Variants in FANCC observed in about 807,000 individuals in gnomAD.
The protein encoded by FANCC is Fanconi anemia group C protein.
Under a neutral mutation model 71.3 loss-of-function variants are expected in FANCC, and 55 were observed. That is an observed-to-expected ratio of 0.77 (90% CI 0.62 to 0.97). The LOEUF (loss-of-function observed/expected upper bound fraction) is 0.97. FANCC is among the 50% of genes least tolerant of loss of function. The pLI is 0.00. For synonymous variants in FANCC, 275 were observed against 244.9 expected, an observed-to-expected ratio of 1.12 and a Z score of -1.15; for missense variants, 678 against 670.9, an observed-to-expected ratio of 1.01 and a Z score of -0.12.
intron 1 of FANCC, among the ~76,000 whole-genome samples, chr9:95,253,073 A>C (rs1177991343): frequency 6.6e-6 from 1 of 152,112 alleles, no homozygotes; most frequent in Non-Finnish European, 1.5e-5. Context: ...AAAAAGAAAA[A>C]AAGGCAAACA....
At chr9:95,106,175 A>G (rs1010535933) in intron 14 of FANCC, among the ~76,000 whole-genome samples, 22 of 151,948 alleles carry the variant, frequency 1.4e-4, no homozygotes, top group Non-Finnish European at 2.6e-4. Flanking sequence ...TGTGCAGTGC[A>G]TCTCGCTGCA....
chr9:95,196,923 C>A (rs904169894), intron 4 of FANCC, among the ~76,000 whole-genome samples: 8 of 152,346 alleles, frequency 5.3e-5, no homozygotes, highest in Middle Eastern at 3.4e-3. Flanking sequence ...CATAGGCTCA[C>A]CTCCTGTGGC....
At chr9:95,128,363 C>G (rs1826330300) in intron 8 of FANCC, among the ~76,000 whole-genome samples, 1 of 152,152 alleles carries the variant, frequency 6.6e-6, no homozygotes, top group South Asian at 2.1e-4. Context: ...CTGTTATGTG[C>G]CCACAGGCAG....
rs190106233 is a variant in FANCC at position 95,306,324 on chromosome 9, G to A, written c.-79+11202C>T. The stretch of plus-strand genomic sequence containing the variant: ...ATCAAATACACTGTGGATCTAATTT[G>A]TTTGCTGGCATTCATTGAGGGTTTC... On this transcript the variant is annotated intron_variant, in intron 1 of 14. Transcript: ENST00000289081. Among the ~76,000 whole-genome samples the A allele has an allele frequency of 3.7e-4, 57 of 152,270 alleles. 1 individual carries two copies. The highest frequency in any genetic ancestry group is 6.8e-3 in the Middle Eastern group (2 of 294).
chr9:95,136,630 G>A (rs1827738796), intron 7 of FANCC, among the ~76,000 whole-genome samples: 1 of 152,158 alleles, frequency 6.6e-6, no homozygotes, highest in South Asian at 2.1e-4. Context: ...GGGACTACAG[G>A]TGCACGTCAC....
At chr9:95,304,052 T>C (rs1588443850) in intron 1 of FANCC, among the ~76,000 whole-genome samples, 2 of 152,288 alleles carry the variant, frequency 1.3e-5, no homozygotes. Flanking sequence ...AATTAAACAA[T>C]GCCTCACAAT....
At chr9:95,201,268 G>A (rs555537498) in intron 4 of FANCC, among the ~76,000 whole-genome samples, 25 of 151,976 alleles carry the variant, frequency 1.6e-4, no homozygotes, top group Non-Finnish European at 2.5e-4. Context: ...ACACCCACCC[G>A]CTTGCACTGC....
intron 1 of FANCC, among the ~76,000 whole-genome samples, chr9:95,274,539 C>T (rs1484659570): frequency 6.6e-6 from 1 of 151,996 alleles, no homozygotes; most frequent in Non-Finnish European, 1.5e-5. Flanking sequence ...GGGTATATAC[C>T]CAGTAATGGG....
chr9:95,216,640 G>A (rs551452961), intron 4 of FANCC, among the ~76,000 whole-genome samples: 2 of 152,288 alleles, frequency 1.3e-5, no homozygotes, highest in Admixed American at 1.3e-4. Context: ...CTTCCTCCAC[G>A]AAAAAGGAAG....
At chr9:95,105,676 G>A (rs944085060) in intron 14 of FANCC, among the ~76,000 whole-genome samples, 1 of 152,138 alleles carries the variant, frequency 6.6e-6, no homozygotes, top group Non-Finnish European at 1.5e-5. Context: ...GGAAACTCTA[G>A]CACTTCCTCT....
At chr9:95,291,959 A>T (rs1175287514) in intron 1 of FANCC, among the ~76,000 whole-genome samples, 2 of 106,622 alleles carry the variant, frequency 1.9e-5, no homozygotes, top group African/African-American at 6.4e-5. Context: ...AAAAAAAAAA[A>T]AAAAAAAAAT....
At chr9:95,270,085 C>G (rs1832633453) in intron 1 of FANCC, among the ~76,000 whole-genome samples, 1 of 152,128 alleles carries the variant, frequency 6.6e-6, no homozygotes, top group Non-Finnish European at 1.5e-5. Context: ...AATCTCAAGG[C>G]AGAAGAATTT....
At chr9:95,220,740 G>T (rs1321890002) in intron 4 of FANCC, among the ~76,000 whole-genome samples, 1 of 152,022 alleles carries the variant, frequency 6.6e-6, no homozygotes, top group African/African-American at 2.4e-5. Flanking sequence ...AGAGGGGAGG[G>T]ATAGCATTAG....
At chr9:95,157,526 A>G (rs970186877) in intron 6 of FANCC, among the ~76,000 whole-genome samples, 17 of 152,212 alleles carry the variant, frequency 1.1e-4, no homozygotes, top group South Asian at 2.1e-4. Flanking sequence ...GCTACAATAC[A>G]ACCACACAGA....
chr9:95,252,933 C>G (rs1331165363), intron 1 of FANCC, among the ~76,000 whole-genome samples: 2 of 151,254 alleles, frequency 1.3e-5, no homozygotes, highest in Non-Finnish European at 2.9e-5. Context: ...TAGCAGATGC[C>G]TATAGTCCCA....
At chr9:95,150,129 A>G (rs1252963821) in intron 6 of FANCC, 42 bp from the exon 7 acceptor site, 4 of 1,608,108 alleles carry the variant, frequency 2.5e-6, no homozygotes, top group Non-Finnish European at 3.4e-6. Context: ...TCTAAGAGCC[A>G]TGCATAATTA....
At chr9:95,165,158 T>C (rs1286392816) in intron 6 of FANCC, among the ~76,000 whole-genome samples, 1 of 151,866 alleles carries the variant, frequency 6.6e-6, no homozygotes, top group Non-Finnish European at 1.5e-5. Context: ...TATTAAGTCT[T>C]CTCTTTTTTT....
chr9:95,260,768 T>C (rs911860571), intron 1 of FANCC, among the ~76,000 whole-genome samples: 74 of 151,430 alleles, frequency 4.9e-4, no homozygotes, highest in African/African-American at 1.8e-3. Context: ...AAAAGTATTA[T>C]AGTTTATAAA....
chr9:95,168,840 C>G (rs558515521), intron 6 of FANCC, among the ~76,000 whole-genome samples: 1 of 152,328 alleles, frequency 6.6e-6, no homozygotes, highest in South Asian at 2.1e-4. Context: ...AAATTGTGTA[C>G]TGTTCTGAGT....
Sources: allele counts gnomAD v4.1 joint callset (sites outside exome capture counted in the v4.1 genomes callset), GRCh38; gene constraint gnomAD v4.1.1; transcripts MANE v1.5; gene names NCBI Gene and HGNC (gene_info 2026-07-23, HGNC 2026-07-21).